NKAIN2: variants seen among roughly 807,000 people sequenced by gnomAD.
NKAIN2 encodes sodium/potassium transporting ATPase interacting 2.
A neutral mutation model predicts 32.6 loss-of-function variants in NKAIN2; 14 were observed. The ratio of observed to expected loss-of-function variants is 0.43; its 90% CI spans 0.28 to 0.67. The LOEUF is 0.67. NKAIN2 is among the 30% of genes least tolerant of loss of function. The pLI is 0.17. For synonymous variants in NKAIN2, 80 were observed against 87.2 expected (o/e 0.92, Z 0.46); for missense variants, 198 against 258.3 (o/e 0.77, Z 1.60).
chr6:124,687,577 T>TTCCATAC (rs1774025692), intron 4 of NKAIN2, among the ~76,000 whole-genome samples: 2 of 31,840 alleles, frequency 6.3e-5, no homozygotes, highest in South Asian at 7.8e-4. Context: ...ATATAATATA[T>TTCCATAC]ATTTATAATA....
chr6:123,805,246 A>G (rs1049081233), intron 1 of NKAIN2, among the ~76,000 whole-genome samples: 3 of 152,188 alleles, frequency 2.0e-5, no homozygotes, highest in Non-Finnish European at 2.9e-5. Context: ...GTTTTCAACA[A>G]CTGTTTCATA....
intron 3 of NKAIN2, among the ~76,000 whole-genome samples, chr6:124,641,245 G>A (rs1251941046): frequency 1.3e-5 from 2 of 152,106 alleles, no homozygotes; most frequent in East Asian, 1.9e-4. Flanking sequence ...AAGTTATAAG[G>A]AGGCTTTCAT....
At chr6:124,544,448 G>A (rs1390551382) in intron 3 of NKAIN2, among the ~76,000 whole-genome samples, 1 of 152,024 alleles carries the variant, frequency 6.6e-6, no homozygotes, top group African/African-American at 2.4e-5. Flanking sequence ...TACAGCTGTA[G>A]AAACTGGAAG....
intron 4 of NKAIN2, among the ~76,000 whole-genome samples, chr6:124,768,855 A>T (rs929156895): frequency 6.6e-6 from 1 of 152,178 alleles, no homozygotes; most frequent in African/African-American, 2.4e-5. Context: ...CTTTCCAGGG[A>T]CATAAATATT....
chr6:124,447,628 G>T (rs1232970386), intron 3 of NKAIN2, among the ~76,000 whole-genome samples: 1 of 152,164 alleles, frequency 6.6e-6, no homozygotes, highest in Non-Finnish European at 1.5e-5. Flanking sequence ...TTAGCAGAGA[G>T]ATGATACAAG....
chr6:124,562,904 CTT>C (rs34572745), intron 3 of NKAIN2, among the ~76,000 whole-genome samples: 24 of 131,126 alleles, frequency 1.8e-4, no homozygotes, highest in Admixed American at 3.9e-4. Flanking sequence ...TTTTTTGTTT[CTT>C]TTTTTTTTTT....
At chr6:124,537,704 GCTCT>G (rs1423526749) in intron 3 of NKAIN2, among the ~76,000 whole-genome samples, 2 of 151,798 alleles carry the variant, frequency 1.3e-5, no homozygotes, top group Non-Finnish European at 1.5e-5. Context: ...TTTCATGCGT[GCTCT>G]CTCTCTCTCC....
At chr6:123,868,185 G>A (rs1772675400) in intron 1 of NKAIN2, among the ~76,000 whole-genome samples, 1 of 152,090 alleles carries the variant, frequency 6.6e-6, no homozygotes, top group East Asian at 1.9e-4. Flanking sequence ...GGTTCTAATT[G>A]TGGACTTCCT....
intron 1 of NKAIN2, among the ~76,000 whole-genome samples, chr6:124,119,290 G>T (rs900190478): frequency 5.3e-5 from 8 of 152,082 alleles, no homozygotes; most frequent in Non-Finnish European, 1.0e-4. Context: ...GCATTCTCCA[G>T]AACAAATGTA....
chr6:124,599,149 C>G (rs1209979319), intron 3 of NKAIN2, among the ~76,000 whole-genome samples: 2 of 151,402 alleles, frequency 1.3e-5, no homozygotes, highest in Non-Finnish European at 2.9e-5. Flanking sequence ...CTAATGATTA[C>G]TTCCTGTCTT....
chr6:123,984,715 A>G (rs1389690656), intron 1 of NKAIN2, among the ~76,000 whole-genome samples: 1 of 152,196 alleles, frequency 6.6e-6, no homozygotes. Context: ...AGATGAGTTA[A>G]GATTTAAAAC....
chr6:123,929,670 G>A (rs898106156), intron 1 of NKAIN2, among the ~76,000 whole-genome samples: 8 of 152,036 alleles, frequency 5.3e-5, no homozygotes, highest in African/African-American at 1.9e-4. Context: ...GTGAAAAGGT[G>A]CATCACTCAC....
chr6:124,270,928 T>C (rs1582962123), intron 1 of NKAIN2, among the ~76,000 whole-genome samples: 1 of 152,324 alleles, frequency 6.6e-6, no homozygotes, highest in Admixed American at 6.5e-5. Flanking sequence ...TCCATTTGGC[T>C]TTGTGTCCCC....
At chr6:123,893,917 C>T (rs1209476333) in intron 1 of NKAIN2, among the ~76,000 whole-genome samples, 2 of 152,046 alleles carry the variant, frequency 1.3e-5, no homozygotes, top group Non-Finnish European at 2.9e-5. Flanking sequence ...ATAGGAGGTT[C>T]CTTAGTCCCA....
intron 3 of NKAIN2, among the ~76,000 whole-genome samples, chr6:124,517,932 C>A (rs775509454): frequency 4.6e-5 from 7 of 151,948 alleles, no homozygotes; most frequent in African/African-American, 7.2e-5. Flanking sequence ...GTAATTTAAA[C>A]CTTCATGTTA....
At chr6:124,343,601 A>T (rs1053731299) in intron 2 of NKAIN2, among the ~76,000 whole-genome samples, 2 of 151,644 alleles carry the variant, frequency 1.3e-5, no homozygotes, top group African/African-American at 4.9e-5. Context: ...GCATGTTTTC[A>T]TGTGTCTTTT....
chr6:124,031,523 T>C (rs983675084), intron 1 of NKAIN2, among the ~76,000 whole-genome samples: 4 of 152,192 alleles, frequency 2.6e-5, no homozygotes, highest in African/African-American at 2.4e-5. Context: ...TTTAGATCTT[T>C]CCTGCTTTCT....
chr6:124,012,958 T>C (rs1045336407), intron 1 of NKAIN2, among the ~76,000 whole-genome samples: 1 of 152,180 alleles, frequency 6.6e-6, no homozygotes, highest in Non-Finnish European at 1.5e-5. Flanking sequence ...CAGTAGTTCA[T>C]GTGAATTCCA....
At chr6:123,830,179 T>C (rs1004859068) in intron 1 of NKAIN2, among the ~76,000 whole-genome samples, 6 of 152,168 alleles carry the variant, frequency 3.9e-5, no homozygotes, top group African/African-American at 1.4e-4. Flanking sequence ...ACAGTAACAC[T>C]GCCATCCTCC....
Sources: allele counts gnomAD v4.1 joint callset (sites outside exome capture counted in the v4.1 genomes callset), GRCh38; gene constraint gnomAD v4.1.1; transcripts MANE v1.5; gene names NCBI Gene and HGNC (gene_info 2026-07-23, HGNC 2026-07-21).